Variants in PYGO1 observed in about 807,000 individuals in gnomAD.
The protein encoded by PYGO1 is pygopus homolog 1.
PYGO1 carries 6 observed loss-of-function variants against 29.5 expected under a neutral mutation model. The ratio of observed to expected loss-of-function variants is 0.20; its 90% CI spans 0.11 to 0.40. The LOEUF is 0.40. Ranked by LOEUF, PYGO1 falls within the 10% of genes least tolerant of loss-of-function variation. PYGO1 has a pLI of 1.00. For synonymous variants in PYGO1, 186 were observed against 180.5 expected (o/e 1.03, Z -0.24); for missense variants, 515 against 514.9 (o/e 1.00, Z 0.00).
chr15:55,571,611 C>T (rs898863557), intron 1 of PYGO1, among the ~76,000 whole-genome samples: 4 of 152,286 alleles, frequency 2.6e-5, no homozygotes, highest in Middle Eastern at 3.4e-3. Flanking sequence ...CCACCATCCA[C>T]GTGAGATGTG....
At chr15:55,588,663 G>T (rs2141684899), upstream of PYGO1, 1 of 786,390 alleles carries the variant, frequency 1.3e-6, no homozygotes, top group Non-Finnish European at 1.9e-6. Flanking sequence ...CTCGCCGACC[G>T]CCAGGCCCGA....
At chr15:55,552,361 C>CAAGAAAAAAAA (rs2058882859) in intron 1 of PYGO1, among the ~76,000 whole-genome samples, 1 of 53,016 alleles carries the variant, frequency 1.9e-5, no homozygotes, top group Non-Finnish European at 4.4e-5. Context: ...ACTCTGTCTC[C>CAAGAAAAAAAA]AAAAAAAAAA....
intron 1 of PYGO1, among the ~76,000 whole-genome samples, chr15:55,565,552 AT>A (rs2058952184): frequency 6.6e-6 from 1 of 151,404 alleles, no homozygotes; most frequent in East Asian, 1.9e-4. Context: ...AAAAATAAAA[AT>A]TAAAAAAAAA....
At chr15:55,585,859 G>C (rs2059044117) in intron 1 of PYGO1, among the ~76,000 whole-genome samples, 1 of 152,138 alleles carries the variant, frequency 6.6e-6, no homozygotes, top group African/African-American at 2.4e-5. Flanking sequence ...ACAAATATCA[G>C]GGGAATAATT....
At chr15:55,548,709 A>T (rs1397873146) in intron 2 of PYGO1, among the ~76,000 whole-genome samples, 2 of 8,096 alleles carry the variant, frequency 2.5e-4, no homozygotes, top group African/African-American at 1.1e-3. Flanking sequence ...AATCCACCTA[A>T]AAAAAAAAAA....
rs56216226 is a variant in PYGO1 at position 55,554,468 on chromosome 15, C to CAAAAAAAAAAA, written c.50-5484_50-5474dup. 6.4e-3 allele frequency among the ~76,000 whole-genome samples: 781 copies of CAAAAAAAAAAA among 122,522 alleles called. 21 individuals are homozygous for CAAAAAAAAAAA. Among genetic ancestry groups the CAAAAAAAAAAA allele is most frequent in the East Asian group, 0.02 (62 of 3,090 alleles). The allele number at this position is 122,522 out of a possible 152,430, so 80.4% of individuals were successfully genotyped here. Reference sequence around the variant, plus strand: ...TGGGTGACAGAGCAAGACTCTGTCTCAAAAAAAAAAAAAAAAAAAAAAAAA... The same window carrying CAAAAAAAAAAA: ...TGGGTGACAGAGCAAGACTCTGTCTCAAAAAAAAAAAAAAAAAAAAAAAAAAAAAAAAAAAA... On this transcript the variant is annotated intron_variant, in intron 1 of 2. Transcript: ENST00000563719.
chr15:55,587,706 G>GTGCCGGCGGGACGCGGGC, intron 1 of PYGO1, 129 bp downstream of exon 1: 1 of 1,190,174 alleles, frequency 8.4e-7, no homozygotes, highest in Non-Finnish European at 1.0e-6. Flanking sequence ...CGGCCCCGGG[G>GTGCCGGCGGGACGCGGGC]TGCCGGCGGG....
chr15:55,551,920 G>A (rs1355197172), intron 1 of PYGO1, among the ~76,000 whole-genome samples: 1 of 152,070 alleles, frequency 6.6e-6, no homozygotes, highest in African/African-American at 2.4e-5. Flanking sequence ...AGCAATAGAA[G>A]GTTGATTCAG....
rs191589250 is a variant in PYGO1 at position 55,566,672 on chromosome 15, A to G, written c.50-17677T>C. Among the ~76,000 whole-genome samples, 322 of 152,268 alleles carry G rather than the reference A, an allele frequency of 2.1e-3. 1 individual carries two copies. The highest frequency in any genetic ancestry group is 7.6e-3 in the African/African-American group (314 of 41,550). The stretch of plus-strand genomic sequence containing the variant: ...TCCAAACTGCTTTCCACAGTGACTA[A>G]TTTATATTCTCACCAACAGTCTATG... On this transcript the variant is annotated intron_variant, in intron 1 of 2. Transcript: ENST00000563719.
chr15:55,547,270 T>C (rs2058856786), intron 2 of PYGO1, 123 bp from the exon 3 acceptor site: 1 of 742,306 alleles, frequency 1.3e-6, no homozygotes, highest in Non-Finnish European at 2.0e-6. Flanking sequence ...TTAACAAACA[T>C]TTATTATCTT....
rs555815987 is a variant in PYGO1 at position 55,557,206 on chromosome 15, T to C, written c.50-8211A>G. ...AATACAAACTACCATGAGAGAATAC[T>C]ATAAACACGTCTACGCAAATAAACT... On this transcript the variant is annotated intron_variant, in intron 1 of 2. Coordinates refer to ENST00000563719, the MANE Select transcript of PYGO1 (RefSeq NM_001367806.1). 3.9e-3 allele frequency among the ~76,000 whole-genome samples: 595 copies of C among 152,258 alleles called. 6 individuals carry two copies. The highest frequency in any genetic ancestry group is 0.014 in the African/African-American group (569 of 41,548).
chr15:55,564,566 G>A (rs2058947027), intron 1 of PYGO1, among the ~76,000 whole-genome samples: 1 of 152,198 alleles, frequency 6.6e-6, no homozygotes, highest in Admixed American at 6.5e-5. Context: ...CAGATCTGCA[G>A]CCCAGGGGTT....
intron 1 of PYGO1, among the ~76,000 whole-genome samples, chr15:55,587,039 G>A (rs2059049790): frequency 6.6e-6 from 1 of 152,194 alleles, no homozygotes. Flanking sequence ...TTTGCTTAAT[G>A]AACAGTGAGT....
intron 1 of PYGO1, among the ~76,000 whole-genome samples, chr15:55,561,138 C>T (rs556890050): frequency 5.5e-4 from 83 of 152,232 alleles, no homozygotes; most frequent in South Asian, 1.9e-3. Context: ...CAAAAACAGA[C>T]ATACAGAACA....
At chr15:55,555,750 T>C (rs2058901716) in intron 1 of PYGO1, among the ~76,000 whole-genome samples, 2 of 151,574 alleles carry the variant, frequency 1.3e-5, no homozygotes, top group Non-Finnish European at 2.9e-5. Context: ...GGATAAAGAG[T>C]TAAGTCTCAT....
intron 1 of PYGO1, among the ~76,000 whole-genome samples, chr15:55,560,294 C>G (rs990090402): frequency 6.6e-6 from 1 of 152,144 alleles, no homozygotes; most frequent in Admixed American, 6.6e-5. Flanking sequence ...ATCGTCTCAG[C>G]TCAAAAGCTT....
intron 1 of PYGO1, among the ~76,000 whole-genome samples, chr15:55,560,194 C>T (rs1226052683): frequency 6.6e-6 from 1 of 151,914 alleles, no homozygotes; most frequent in African/African-American, 2.4e-5. Flanking sequence ...GGCAATCAGG[C>T]AAGAGAAAGA....
intron 1 of PYGO1, among the ~76,000 whole-genome samples, chr15:55,578,407 T>A (rs994949057): frequency 1.3e-5 from 2 of 152,140 alleles, no homozygotes; most frequent in African/African-American, 4.8e-5. Flanking sequence ...ACATAGCAAT[T>A]TTATGTTTAA....
chr15:55,557,126 A>C (rs2058909642), intron 1 of PYGO1, among the ~76,000 whole-genome samples: 1 of 152,142 alleles, frequency 6.6e-6, no homozygotes, highest in Admixed American at 6.6e-5. Flanking sequence ...AGAGAGAAAA[A>C]TCAAATAGGC....
Sources: gnomAD v4.1 joint callset for allele counts (sites outside exome capture counted in the v4.1 genomes callset) on GRCh38, gnomAD v4.1.1 for gene constraint, MANE v1.5 for transcripts, NCBI Gene and HGNC (gene_info 2026-07-23, HGNC 2026-07-21) for gene names.